NRG3: variants seen among roughly 807,000 people sequenced by gnomAD.
NRG3 encodes pro-neuregulin-3, membrane-bound isoform.
NRG3 carries 31 observed loss-of-function variants against 66.9 expected under a neutral mutation model. The ratio of observed to expected loss-of-function variants is 0.46; its 90% CI spans 0.35 to 0.63. NRG3 has a LOEUF of 0.63. Ranked by LOEUF, NRG3 falls within the 20% of genes least tolerant of loss-of-function variation. The pLI, the probability that NRG3 is intolerant of heterozygous loss-of-function variation, is 0.00. For missense variants in NRG3, 910 were observed against 878.9 expected, an observed-to-expected ratio of 1.04 and a Z score of -0.45; for synonymous variants, 393 against 359.4, an observed-to-expected ratio of 1.09 and a Z score of -1.06.
At chr10:82,946,978 C>CACCTGTTT (rs1168599741) in intron 4 of NRG3, among the ~76,000 whole-genome samples, 1 of 151,954 alleles carries the variant, frequency 6.6e-6, no homozygotes, top group Non-Finnish European at 1.5e-5. Flanking sequence ...TAAGATAAGC[C>CACCTGTTT]ACCTGTTTAT....
chr10:82,165,304 T>G (rs1392514937), intron 1 of NRG3, among the ~76,000 whole-genome samples: 1 of 152,106 alleles, frequency 6.6e-6, no homozygotes, highest in Non-Finnish European at 1.5e-5. Context: ...GCATTCCATA[T>G]CAGACACCTA....
intron 2 of NRG3, among the ~76,000 whole-genome samples, chr10:82,561,611 C>G (rs552230675): frequency 5.3e-5 from 8 of 152,276 alleles, no homozygotes; most frequent in African/African-American, 1.7e-4. Flanking sequence ...CAAGATGGCA[C>G]CACTGTGCTC....
At chr10:81,985,091 C>T (rs946022538) in intron 1 of NRG3, among the ~76,000 whole-genome samples, 1 of 152,180 alleles carries the variant, frequency 6.6e-6, no homozygotes, top group African/African-American at 2.4e-5. Context: ...TAGTTAACAT[C>T]CATTGTGTGC....
intron 1 of NRG3, among the ~76,000 whole-genome samples, chr10:81,982,686 A>C (rs183840817): frequency 2.0e-5 from 3 of 152,202 alleles, no homozygotes; most frequent in East Asian, 3.9e-4. Context: ...CATCCATGGC[A>C]GTTCTTTTTT....
intron 3 of NRG3, among the ~76,000 whole-genome samples, chr10:82,755,249 T>G (rs938858403): frequency 6.6e-6 from 1 of 152,120 alleles, no homozygotes; most frequent in Non-Finnish European, 1.5e-5. Context: ...TCCTTCCTTG[T>G]TCCAAACACA....
chr10:82,048,894 G>A (rs537292477), intron 1 of NRG3, among the ~76,000 whole-genome samples: 27 of 151,890 alleles, frequency 1.8e-4, no homozygotes, highest in African/African-American at 6.5e-4. Flanking sequence ...TCAAATAGAT[G>A]CAATAAAAAA....
intron 1 of NRG3, among the ~76,000 whole-genome samples, chr10:82,130,275 C>T (rs1234604670): frequency 1.3e-5 from 2 of 151,720 alleles, no homozygotes; most frequent in African/African-American, 4.8e-5. Flanking sequence ...ATGTGCATGA[C>T]GTGCAGGTTT....
At chr10:81,879,274 T>G (rs1221266524) in intron 1 of NRG3, among the ~76,000 whole-genome samples, 2 of 152,238 alleles carry the variant, frequency 1.3e-5, no homozygotes, top group Non-Finnish European at 2.9e-5. Flanking sequence ...TGAAGCATTT[T>G]GTATTTGAAA....
chr10:82,012,533 C>T (rs1457837701), intron 1 of NRG3, among the ~76,000 whole-genome samples: 1 of 151,964 alleles, frequency 6.6e-6, no homozygotes, highest in East Asian at 1.9e-4. Flanking sequence ...TTTTCTATCA[C>T]ATTGTCAGGC....
intron 4 of NRG3, among the ~76,000 whole-genome samples, chr10:82,948,627 G>A (rs1849243489): frequency 6.6e-6 from 1 of 151,954 alleles, no homozygotes; most frequent in Non-Finnish European, 1.5e-5. Flanking sequence ...CAAGACTTGT[G>A]TGCCTTTTGT....
chr10:81,969,462 A>T (rs1419474643), intron 1 of NRG3, among the ~76,000 whole-genome samples: 2 of 152,168 alleles, frequency 1.3e-5, no homozygotes, highest in Non-Finnish European at 2.9e-5. Context: ...AGGAGGGACG[A>T]GCAGGGGGAG....
intron 1 of NRG3, among the ~76,000 whole-genome samples, chr10:81,930,716 AG>A (rs1847260998): frequency 6.6e-6 from 1 of 152,028 alleles, no homozygotes; most frequent in African/African-American, 2.4e-5. Context: ...AGTTGTGGAG[AG>A]GGGAGAAGGT....
At chr10:82,644,148 T>G (rs553263668) in intron 2 of NRG3, among the ~76,000 whole-genome samples, 1 of 152,236 alleles carries the variant, frequency 6.6e-6, no homozygotes, top group Non-Finnish European at 1.5e-5. Flanking sequence ...GGTGGGGATA[T>G]AGGAACCTAA....
intron 1 of NRG3, among the ~76,000 whole-genome samples, chr10:81,892,628 C>T (rs779402807): frequency 9.2e-5 from 14 of 151,852 alleles, no homozygotes; most frequent in African/African-American, 1.2e-4. Context: ...CATAGCTGTA[C>T]GTGGAGATAG....
rs558641594 is a variant in NRG3 at position 81,897,619 on chromosome 10, G to A, written c.823+21456G>A. Among the ~76,000 whole-genome samples the A allele has an allele frequency of 8.2e-4, 125 of 152,232 alleles. 4 individuals are homozygous for A. The South Asian group carries it at 0.025, about 30-fold the overall frequency. ...GTTGGATTGGGTGGGGGGATGGGGC[G>A]AGGGATAAAAGAGTGGTTTTAAGCA... On this transcript the variant is annotated intron_variant, in intron 1 of 8. Transcript: ENST00000372141.
At chr10:82,241,105 T>G (rs2076989957) in intron 1 of NRG3, among the ~76,000 whole-genome samples, 1 of 152,120 alleles carries the variant, frequency 6.6e-6, no homozygotes. Flanking sequence ...TACTTTTCTA[T>G]GAACATTAGA....
chr10:82,800,987 ATTC>A (rs1057160814), intron 3 of NRG3, among the ~76,000 whole-genome samples: 3 of 152,322 alleles, frequency 2.0e-5, no homozygotes, highest in African/African-American at 7.2e-5. Context: ...AAAGAATTGA[ATTC>A]TTCTTTATCA....
chr10:82,193,021 TAGAG>T (rs2133373066), intron 1 of NRG3, among the ~76,000 whole-genome samples: 1 of 148,324 alleles, frequency 6.7e-6, no homozygotes, highest in Admixed American at 6.7e-5. Context: ...CTGGAAGAGG[TAGAG>T]AGAGAAGAGC....
intron 2 of NRG3, among the ~76,000 whole-genome samples, chr10:82,410,595 A>G (rs1317730825): frequency 1.3e-5 from 2 of 151,528 alleles, no homozygotes; most frequent in African/African-American, 4.8e-5. Flanking sequence ...GATTTGGGGG[A>G]GAAGAGTGAT....
Sources: gnomAD v4.1 joint callset for allele counts (sites outside exome capture counted in the v4.1 genomes callset) on GRCh38, gnomAD v4.1.1 for gene constraint, MANE v1.5 for transcripts, NCBI Gene and HGNC (gene_info 2026-07-23, HGNC 2026-07-21) for gene names.